PRKN: variants seen among roughly 807,000 people sequenced by gnomAD.
The protein encoded by PRKN is parkin RBR E3 ubiquitin protein ligase.
In PRKN, 56 loss-of-function variants were observed where a neutral mutation model predicts 59.5. The observed-to-expected ratio is 0.94, with a 90% CI of 0.76 to 1.18. PRKN has a LOEUF of 1.18. Among genes scored for constraint, PRKN ranks in the 50% most tolerant of loss-of-function variants. The probability of loss-of-function intolerance (pLI) is 0.00; values close to 1 mark genes in which losing one functional copy is unlikely to be tolerated. For synonymous variants in PRKN, 250 were observed against 222.1 expected, an observed-to-expected ratio of 1.13 and a Z score of -1.12; for missense variants, 657 against 596.4, an observed-to-expected ratio of 1.10 and a Z score of -1.06.
intron 3 of PRKN, among the ~76,000 whole-genome samples, chr6:162,233,721 T>C (rs1255741169): frequency 6.6e-6 from 1 of 152,194 alleles, no homozygotes; most frequent in Non-Finnish European, 1.5e-5. Flanking sequence ...CCCAAGCTCA[T>C]ATATTAATTT....
Position 161,531,339 on chromosome 6 carries a change from C to A in PRKN, c.1083+17515G>T, listed in dbSNP as rs1008465077. Among the ~76,000 whole-genome samples the A allele has an allele frequency of 4.6e-5, 7 of 151,528 alleles. 1 individual carries two copies. The highest frequency in any genetic ancestry group is 8.8e-5 in the Non-Finnish European group (6 of 67,918). ...GAGCTTGCAGTGAGCCGAGATCATG[C>A]CACTGCACTCCAGCCTGGATGACAG... On this transcript the variant is annotated intron_variant, in intron 9 of 11. Coordinates refer to ENST00000366898, the MANE Select transcript of PRKN (RefSeq NM_004562.3).
At chr6:162,406,274 ATG>A (rs1788066305) in intron 2 of PRKN, among the ~76,000 whole-genome samples, 2 of 152,316 alleles carry the variant, frequency 1.3e-5, no homozygotes, top group African/African-American at 4.8e-5. Context: ...CTGAAGTCAG[ATG>A]GCTGCAAGAG....
At position 161,467,692 on chromosome 6, in the gene PRKN, A is replaced by G. The variant is rs567974056; in HGVS notation, c.1084-80815T>C. Among the ~76,000 whole-genome samples the G allele has an allele frequency of 2.3e-3, 352 of 152,298 alleles. No homozygotes were observed. The highest frequency in any genetic ancestry group is 4.0e-3 in the Non-Finnish European group (269 of 68,016). On this transcript the variant is annotated intron_variant, in intron 9 of 11. Transcript: ENST00000366898. The surrounding 1 kb of genome is among the most constrained non-coding windows in gnomAD (Gnocchi z 4.3). ...GACAGAGGCTGCAAATGCCTGCCCA[A>G]TATTCATGTTCCTCTTCTTCCTCAG...
intron 1 of PRKN, among the ~76,000 whole-genome samples, chr6:162,662,494 C>T (rs1584003743): frequency 6.6e-6 from 1 of 152,052 alleles, no homozygotes; most frequent in African/African-American, 2.4e-5. Flanking sequence ...AAATTATTTG[C>T]CTAAACCCAT....
rs1786988741 is a variant in PRKN, at chr6:161,400,636, C to CA, written c.1084-13760dup. On this transcript the variant is annotated intron_variant, in intron 9 of 11. Transcript: ENST00000366898. The surrounding 1 kb of genome is among the most constrained non-coding windows in gnomAD (Gnocchi z 4.2). ...GCCGAAAATTAAACGTATTCTAAGA[C>CA]AAAGAAATTCAGATTTTTTTTTTTT... Among the ~76,000 whole-genome samples the CA allele has an allele frequency of 6.6e-6, 1 of 151,196 alleles. No homozygotes were observed. Among genetic ancestry groups the CA allele is most frequent in the Non-Finnish European group, 1.5e-5 (1 of 67,774 alleles).
rs537912991 is a variant in PRKN, at chr6:162,257,950, C to T, written c.412+4575G>A. On this transcript the variant is annotated intron_variant, in intron 3 of 11. Transcript: ENST00000366898. ...ACCCTACCTGACCTCTCCACCCTGC[C>T]CTTTTTCTGACATCCTCTTCTCCGA... 2.6e-5 allele frequency among the ~76,000 whole-genome samples: 4 copies of T among 152,228 alleles called. No individual in the cohort carries two copies. The East Asian group carries it at 7.8e-4, about 30-fold the overall frequency.
At chr6:161,813,287 C>T (rs1791635809) in intron 6 of PRKN, among the ~76,000 whole-genome samples, 2 of 152,030 alleles carry the variant, frequency 1.3e-5, no homozygotes, top group Admixed American at 6.5e-5. Flanking sequence ...CATGTGAGTC[C>T]CCCTTTGCCC....
At chr6:162,296,312 C>T (rs980444918) in intron 2 of PRKN, among the ~76,000 whole-genome samples, 3 of 151,088 alleles carry the variant, frequency 2.0e-5, no homozygotes, top group South Asian at 2.1e-4. Flanking sequence ...TTGACAAGCC[C>T]ACACTCTCCA....
chr6:161,688,390 C>G (rs1315598621), intron 7 of PRKN, among the ~76,000 whole-genome samples: 1 of 152,200 alleles, frequency 6.6e-6, no homozygotes, highest in African/African-American at 2.4e-5. Context: ...TGGGGAAGAG[C>G]CTATGCTCTC....
rs1781797199 is a variant in PRKN at position 161,593,440 on chromosome 6, CTG to C, written c.872-24026_872-24025del. On this transcript the variant is annotated intron_variant, in intron 7 of 11. Coordinates refer to ENST00000366898, the MANE Select transcript of PRKN (RefSeq NM_004562.3). The surrounding 1 kb of genome is among the most constrained non-coding windows in gnomAD (Gnocchi z 4.8). ...ATTGGCCAATCCCCAACCCTGAACT[CTG>C]GAATAGTCTGGGGGAGCAAAACAAG... 6.6e-6 allele frequency among the ~76,000 whole-genome samples: 1 copy of C among 152,132 alleles called. No homozygotes were observed. The highest frequency in any genetic ancestry group is 6.5e-5 in the Admixed American group (1 of 15,284).
At chr6:161,392,575 A>C (rs924060405) in intron 9 of PRKN, among the ~76,000 whole-genome samples, 1 of 151,614 alleles carries the variant, frequency 6.6e-6, no homozygotes, top group Non-Finnish European at 1.5e-5. Context: ...GCCATATGGC[A>C]AATTCCTCTC....
intron 9 of PRKN, among the ~76,000 whole-genome samples, chr6:161,453,658 A>G (rs761085963): frequency 5.9e-4 from 90 of 152,048 alleles, no homozygotes; most frequent in Non-Finnish European, 1.0e-3. Context: ...CTCCATGGCT[A>G]TGTAAGTCAA....
intron 2 of PRKN, among the ~76,000 whole-genome samples, chr6:162,329,244 G>A (rs1227353521): frequency 6.6e-6 from 1 of 152,128 alleles, no homozygotes; most frequent in Non-Finnish European, 1.5e-5. Context: ...GGACGGAAGA[G>A]CGGGTGCAGC....
chr6:162,131,405 C>G (rs1340813935), intron 4 of PRKN, among the ~76,000 whole-genome samples: 1 of 152,110 alleles, frequency 6.6e-6, no homozygotes, highest in Middle Eastern at 3.2e-3. Flanking sequence ...CACACATTTC[C>G]AGGTTTCTAT....
At chr6:161,992,603 A>G (rs1781693047) in intron 5 of PRKN, among the ~76,000 whole-genome samples, 1 of 152,188 alleles carries the variant, frequency 6.6e-6, no homozygotes, top group Non-Finnish European at 1.5e-5. Context: ...GACCAAATGG[A>G]ATTAACAGAC....
intron 1 of PRKN, among the ~76,000 whole-genome samples, chr6:162,710,415 A>ACACACACACC (rs35854882): frequency 6.9e-6 from 1 of 144,448 alleles, no homozygotes; most frequent in African/African-American, 2.7e-5. Context: ...ACACACACAC[A>ACACACACACC]ACTGTTTGGT....
chr6:162,368,666 T>C (rs1227028692), intron 2 of PRKN, among the ~76,000 whole-genome samples: 1 of 152,128 alleles, frequency 6.6e-6, no homozygotes, highest in African/African-American at 2.4e-5. Flanking sequence ...GTATAGAACA[T>C]CTAGGAAAGA....
chr6:161,817,773 C>A (rs1014440912), intron 6 of PRKN, among the ~76,000 whole-genome samples: 1 of 152,152 alleles, frequency 6.6e-6, no homozygotes, highest in Non-Finnish European at 1.5e-5. Context: ...CACATGATCA[C>A]GAATGACAAC....
At chr6:162,140,944 C>T (rs1400105573) in intron 4 of PRKN, among the ~76,000 whole-genome samples, 8 of 151,992 alleles carry the variant, frequency 5.3e-5, no homozygotes, top group Admixed American at 1.3e-4. Flanking sequence ...CTGGCTAACA[C>T]GGTGAAACCC....
Sources: allele counts gnomAD v4.1 joint callset (sites outside exome capture counted in the v4.1 genomes callset), GRCh38; gene constraint gnomAD v4.1.1; non-coding constraint Gnocchi (gnomAD v3.1); transcripts MANE v1.5; gene names NCBI Gene and HGNC (gene_info 2026-07-23, HGNC 2026-07-21).